DNAH5: variants seen among roughly 807,000 people sequenced by gnomAD.
DNAH5 encodes axonemal beta dynein heavy chain 5.
Under a neutral mutation model 518.2 loss-of-function variants are expected in DNAH5, and 372 were observed. That is an observed-to-expected ratio of 0.72 (90% CI 0.66 to 0.78). The LOEUF (loss-of-function observed/expected upper bound fraction) is 0.78. DNAH5 is among the 30% of genes least tolerant of loss of function. The probability of loss-of-function intolerance (pLI) is 0.00; values close to 1 mark genes in which losing one functional copy is unlikely to be tolerated. For missense variants in DNAH5, 5,523 were observed against 5,687.0 expected (o/e 0.97, Z 0.93); for synonymous variants, 2,039 against 2,025.9 (o/e 1.01, Z -0.17).
chr5:13,747,184 C>T (rs568009583), intron 65 of DNAH5, among the ~76,000 whole-genome samples: 2,074 of 152,114 alleles, frequency 0.014, 20 homozygotes, highest in Non-Finnish European at 0.02. Flanking sequence ...TGATGGTTTC[C>T]AGCTTCATCC....
chr5:13,728,259 A>C (rs75345122), intron 69 of DNAH5, among the ~76,000 whole-genome samples: 1 of 152,186 alleles, frequency 6.6e-6, no homozygotes, highest in Non-Finnish European at 1.5e-5. Context: ...AGCTTAAAAC[A>C]CCAAAGAGAG....
intron 54 of DNAH5, 75 bp from the exon 55 acceptor site, chr5:13,776,781 A>G: frequency 6.6e-7 from 1 of 1,524,446 alleles, no homozygotes; most frequent in South Asian, 1.1e-5. Flanking sequence ...CTTAATACAC[A>G]GAATGTCTTT....
chr5:13,789,266 T>C (rs1216428472), intron 50 of DNAH5, among the ~76,000 whole-genome samples: 3 of 152,140 alleles, frequency 2.0e-5, no homozygotes, highest in African/African-American at 7.2e-5. Flanking sequence ...GAGTATAACA[T>C]AAGATACAGA....
At chr5:13,704,342 C>T (rs1049030137) in intron 76 of DNAH5, among the ~76,000 whole-genome samples, 2 of 152,208 alleles carry the variant, frequency 1.3e-5, no homozygotes, top group Non-Finnish European at 2.9e-5. Context: ...CCTGCACACT[C>T]TCGCTTCACA....
In DNAH5 at chr5:13,914,511, G is replaced by T; in HGVS notation, c.1320+9C>A. On this transcript the variant is annotated intron_variant, in intron 10 of 78. Transcript: ENST00000265104. ...GAATAGAACATCTAAATACTAAACT[G>T]ACCATTACCTGTTTCAGTTTAATCG... 2.5e-6 allele frequency: 4 copies of T among 1,612,282 alleles called. No homozygotes were observed. In the South Asian group the frequency reaches 4.4e-5, roughly 18 times the overall value.
At position 13,832,151 on chromosome 5, in the gene DNAH5, C is replaced by A. The variant is rs188159009; in HGVS notation, c.5883-1376G>T. 8.7e-3 allele frequency among the ~76,000 whole-genome samples: 1,319 copies of A among 150,778 alleles called. 20 individuals are homozygous for A. The highest frequency in any genetic ancestry group is 0.031 in the African/African-American group (1,265 of 40,342). Reference sequence around the variant, plus strand: ...TACCCCTGAACTTAAAAATTAAAAACTGAAAAAAAAAGATTAAATAAAATA... The same window carrying A: ...TACCCCTGAACTTAAAAATTAAAAAATGAAAAAAAAAGATTAAATAAAATA... On this transcript the variant is annotated intron_variant, in intron 35 of 78. Transcript: ENST00000265104.
chr5:13,904,249 C>G (rs924535705), intron 12 of DNAH5, among the ~76,000 whole-genome samples: 2 of 150,754 alleles, frequency 1.3e-5, no homozygotes, highest in Non-Finnish European at 3.0e-5. Context: ...AGAAGTAACT[C>G]TATACTAAAA....
chr5:13,925,130 G>T (rs2151999909), intron 3 of DNAH5, among the ~76,000 whole-genome samples: 1 of 152,238 alleles, frequency 6.6e-6, no homozygotes, highest in South Asian at 2.1e-4. Context: ...CTCATTAAAG[G>T]TAACTAGAAG....
intron 32 of DNAH5, among the ~76,000 whole-genome samples, chr5:13,843,052 C>T (rs1015455433): frequency 6.6e-6 from 1 of 152,158 alleles, no homozygotes; most frequent in East Asian, 1.9e-4. Context: ...AGCGAAACAT[C>T]AGAAAGAATT....
At chr5:13,995,873 G>A (rs1783899146) in intron 1 of DNAH5, among the ~76,000 whole-genome samples, 1 of 152,080 alleles carries the variant, frequency 6.6e-6, no homozygotes, top group Admixed American at 6.5e-5. Context: ...ATGGAGAGAT[G>A]GAATGCAAAA....
upstream of DNAH5, among the ~76,000 whole-genome samples, chr5:13,946,817 G>A (rs551036807): frequency 9.8e-5 from 15 of 152,358 alleles, no homozygotes; most frequent in Middle Eastern, 0.01. Flanking sequence ...AAAGTTTGAA[G>A]TTCCACTTTC....
At chr5:13,857,593 C>A (rs1027462594) in intron 30 of DNAH5, among the ~76,000 whole-genome samples, 3 of 152,130 alleles carry the variant, frequency 2.0e-5, no homozygotes, top group African/African-American at 7.2e-5. Flanking sequence ...GGAGGTATCA[C>A]GCTACCTGAT....
At chr5:13,929,449 T>C (rs1778203209) in intron 2 of DNAH5, among the ~76,000 whole-genome samples, 1 of 149,880 alleles carries the variant, frequency 6.7e-6, no homozygotes, top group African/African-American at 2.5e-5. Flanking sequence ...ACTAATGAAC[T>C]GTACACTTAA....
intron 45 of DNAH5, 30 bp from the exon 46 acceptor site, chr5:13,809,216 C>T: frequency 6.2e-7 from 1 of 1,613,322 alleles, no homozygotes. Context: ...TTTCCATCTC[C>T]ATATTAATAA....
At chr5:13,746,735 C>T (rs946249518) in intron 65 of DNAH5, among the ~76,000 whole-genome samples, 2 of 152,070 alleles carry the variant, frequency 1.3e-5, no homozygotes, top group African/African-American at 2.4e-5. Flanking sequence ...AGGCAATACG[C>T]TCATGACTCT....
At chr5:13,876,536 C>A in intron 22 of DNAH5, 148 bp downstream of exon 22, 2 of 868,768 alleles carry the variant, frequency 2.3e-6, no homozygotes, top group Non-Finnish European at 3.5e-6. Flanking sequence ...TTCAGTTAGA[C>A]AAACATTTGC....
At position 13,886,094 on chromosome 5, in the gene DNAH5, A is replaced by T; in HGVS notation, c.2613T>A (p.Phe871Leu). 1.9e-6 allele frequency: 3 copies of T among 1,604,312 alleles called. No individual in the cohort carries two copies. Among genetic ancestry groups the T allele is most frequent in the Non-Finnish European group, 2.5e-6 (3 of 1,177,584 alleles). ...LCVNGAQILH[F>L]KSSLVEEAVN... is the part of the protein sequence containing the mutation. ...CTGCCTCCTCCACTAATGAGCTTTT[A>T]AAATGTAGTATTTGTGCACCATTTA... The change falls in exon 18 of 79, where the codon TTT (phenylalanine) becomes TTA (leucine). Residue 871 changes from phenylalanine to leucine, a missense_variant. Phe to Leu is a conservative substitution (Grantham distance 22, BLOSUM62 0). This residue lies in a region of DNAH5 where 5,121 missense variants were observed against 5,223.3 expected (regional missense o/e 0.98). Coordinates refer to ENST00000265104, the MANE Select transcript of DNAH5 (RefSeq NM_001369.3).
chr5:13,777,701 C>A (rs1754315897), intron 53 of DNAH5, among the ~76,000 whole-genome samples: 1 of 152,068 alleles, frequency 6.6e-6, no homozygotes, highest in Non-Finnish European at 1.5e-5. Context: ...ATTTGATTGG[C>A]AATTGGTATT....
chr5:13,969,198 T>A (rs1184510134), intron 1 of DNAH5, among the ~76,000 whole-genome samples: 1 of 152,200 alleles, frequency 6.6e-6, no homozygotes, highest in Non-Finnish European at 1.5e-5. Context: ...CTTATTTGGA[T>A]CTTCTCTCTT....
Sources: gnomAD v4.1 joint callset for allele counts (sites outside exome capture counted in the v4.1 genomes callset) on GRCh38, gnomAD v4.1.1 for gene constraint, gnomAD v4.1.1 regional missense constraint, MANE v1.5 for transcripts, NCBI Gene and HGNC (gene_info 2026-07-23, HGNC 2026-07-21) for gene names.